Variants in ZNF804A observed in about 807,000 individuals in gnomAD.
ZNF804A encodes zinc finger protein 804A.
In ZNF804A, 2 loss-of-function variants were observed where a neutral mutation model predicts 16.5. The ratio of observed to expected loss-of-function variants is 0.12; its 90% CI spans 0.05 to 0.38. ZNF804A has a LOEUF of 0.38. Among genes scored for constraint, ZNF804A ranks in the 10% least tolerant of loss-of-function variants. ZNF804A has a pLI of 0.99. For missense variants in ZNF804A, 1,473 were observed against 1,390.7 expected (o/e 1.06, Z -0.94); for synonymous variants, 534 against 489.6 (o/e 1.09, Z -1.20).
chr2:184,701,412 A>G (rs1692917442), intron 1 of ZNF804A, among the ~76,000 whole-genome samples: 1 of 151,996 alleles, frequency 6.6e-6, no homozygotes, highest in Non-Finnish European at 1.5e-5. Context: ...AACGTTTCCA[A>G]AATAATTTGA....
chr2:184,629,973 C>T (rs1691578788), intron 1 of ZNF804A, among the ~76,000 whole-genome samples: 1 of 151,928 alleles, frequency 6.6e-6, no homozygotes, highest in Admixed American at 6.6e-5. Context: ...CCTTTGAAAC[C>T]AACATAATAA....
intron 1 of ZNF804A, among the ~76,000 whole-genome samples, chr2:184,697,223 C>T (rs1035182371): frequency 3.4e-5 from 5 of 146,318 alleles, no homozygotes; most frequent in Admixed American, 2.7e-4. Flanking sequence ...AGGTCACCAA[C>T]AAATCATAGA....
At chr2:184,703,849 A>T (rs946951609) in intron 1 of ZNF804A, among the ~76,000 whole-genome samples, 2 of 152,140 alleles carry the variant, frequency 1.3e-5, no homozygotes, top group Non-Finnish European at 2.9e-5. Context: ...ATAATAGTGC[A>T]TATATAAAAT....
intron 2 of ZNF804A, among the ~76,000 whole-genome samples, chr2:184,914,762 C>CA (rs1225053376): frequency 3.3e-5 from 5 of 151,760 alleles, no homozygotes; most frequent in African/African-American, 1.2e-4. Context: ...ACGTATATAG[C>CA]ATAATATTAT....
intron 1 of ZNF804A, among the ~76,000 whole-genome samples, chr2:184,857,085 T>G (rs748751088): frequency 6.6e-6 from 1 of 151,946 alleles, no homozygotes; most frequent in Non-Finnish European, 1.5e-5. Flanking sequence ...ACATCTTTCT[T>G]TTTTTTGATG....
At chr2:184,668,915 A>G (rs1692296878) in intron 1 of ZNF804A, among the ~76,000 whole-genome samples, 2 of 152,016 alleles carry the variant, frequency 1.3e-5, no homozygotes, top group South Asian at 2.1e-4. Flanking sequence ...CTGCTATTTA[A>G]GTTTCTTTCT....
Position 184,936,422 on chromosome 2 carries a change from T to G in ZNF804A, c.1026T>G (p.Ile342Met), listed in dbSNP as rs1437970791. ...ADQIPLESVVINEDIPVSGNS... is the reference protein window; with the variant it reads ...ADQIPLESVVMNEDIPVSGNS... Reference sequence around the variant, plus strand: ...AAATACCACTAGAGAGTGTTGTTATTAATGAAGACATACCTGTTAGTGGTA... The same window carrying G: ...AAATACCACTAGAGAGTGTTGTTATGAATGAAGACATACCTGTTAGTGGTA... The change falls in exon 4 of 4, where the codon ATT becomes ATG. Residue 342 changes from isoleucine (I) to methionine (M), a missense_variant. By Grantham distance (10) the Ile-to-Met change is conservative. Coordinates refer to ENST00000302277, the MANE Select transcript of ZNF804A (RefSeq NM_194250.2). The G allele has an allele frequency of 6.2e-7, 1 of 1,613,878 alleles. No individual in the cohort carries two copies. The highest frequency in any genetic ancestry group is 1.3e-5 in the African/African-American group (1 of 74,936).
chr2:184,737,992 G>C (rs1168474077), intron 1 of ZNF804A, among the ~76,000 whole-genome samples: 4 of 151,742 alleles, frequency 2.6e-5, no homozygotes, highest in African/African-American at 9.7e-5. Flanking sequence ...CAGGCATGGT[G>C]GTGCATGCCT....
At chr2:184,883,465 C>T (rs1387284806) in intron 2 of ZNF804A, among the ~76,000 whole-genome samples, 4 of 151,980 alleles carry the variant, frequency 2.6e-5, no homozygotes, top group African/African-American at 9.7e-5. Context: ...GGCAGAGACA[C>T]ACACACAAAA....
chr2:184,740,155 A>C (rs2105752461), intron 1 of ZNF804A, among the ~76,000 whole-genome samples: 1 of 152,316 alleles, frequency 6.6e-6, no homozygotes, highest in South Asian at 2.1e-4. Context: ...TTAGTGCTTC[A>C]GTCAACTCCA....
chr2:184,602,803 A>G (rs1167060019), intron 1 of ZNF804A, among the ~76,000 whole-genome samples: 1 of 152,090 alleles, frequency 6.6e-6, no homozygotes, highest in African/African-American at 2.4e-5. Flanking sequence ...TCACACAATG[A>G]GTCAATATTA....
At chr2:184,923,469 G>T (rs966900846) in intron 2 of ZNF804A, among the ~76,000 whole-genome samples, 2 of 151,362 alleles carry the variant, frequency 1.3e-5, no homozygotes, top group Non-Finnish European at 2.9e-5. Context: ...TTTTTTCCAG[G>T]TATAAGATTA....
At chr2:184,856,273 C>G (rs1040893177) in intron 1 of ZNF804A, among the ~76,000 whole-genome samples, 2 of 151,956 alleles carry the variant, frequency 1.3e-5, no homozygotes, top group Non-Finnish European at 2.9e-5. Context: ...TTTTAAAAAG[C>G]CATCTTTCCA....
At chr2:184,627,922 A>T (rs1018174935) in intron 1 of ZNF804A, among the ~76,000 whole-genome samples, 1 of 152,216 alleles carries the variant, frequency 6.6e-6, no homozygotes, top group African/African-American at 2.4e-5. Flanking sequence ...ACAGAGGAAG[A>T]ACTGGTTTAC....
chr2:184,707,309 T>C (rs967025028), intron 1 of ZNF804A, among the ~76,000 whole-genome samples: 1 of 152,108 alleles, frequency 6.6e-6, no homozygotes, highest in Admixed American at 6.6e-5. Flanking sequence ...ATTGCAACTT[T>C]TATTTTAGAT....
Position 184,939,113 on chromosome 2 carries a change from A to C in ZNF804A, c.*87A>C. On this transcript the variant is annotated 3_prime_UTR_variant, in exon 4 of 4. Transcript: ENST00000302277. ...CATCTATGTGGGTACATGGCTATTTAACTGGTGGAAATAAACTGGCCGATA... is the reference window on the plus strand; with the variant it reads ...CATCTATGTGGGTACATGGCTATTTCACTGGTGGAAATAAACTGGCCGATA... 1 of 1,496,292 alleles carries C rather than the reference A, an allele frequency of 6.7e-7. No homozygotes were observed. Among genetic ancestry groups the C allele is most frequent in the Non-Finnish European group, 9.0e-7 (1 of 1,112,346 alleles). 92.7% of individuals were successfully genotyped at this position (1,496,292 alleles called of 1,614,324 possible).
At chr2:184,620,191 A>G (rs1559110058) in intron 1 of ZNF804A, among the ~76,000 whole-genome samples, 1 of 151,832 alleles carries the variant, frequency 6.6e-6, no homozygotes, top group South Asian at 2.1e-4. Context: ...GCTCTAGCTT[A>G]TAAATATCTC....
At chr2:184,804,148 G>A (rs550009265) in intron 1 of ZNF804A, among the ~76,000 whole-genome samples, 8 of 152,244 alleles carry the variant, frequency 5.3e-5, no homozygotes, top group African/African-American at 7.2e-5. Context: ...ACAGGTGTGA[G>A]CCACCGTGCC....
intron 1 of ZNF804A, among the ~76,000 whole-genome samples, chr2:184,755,070 G>C (rs1693938345): frequency 6.6e-6 from 1 of 151,866 alleles, no homozygotes. Flanking sequence ...TGGGGACAAA[G>C]AGCCAAACCA....
Sources: gnomAD v4.1 joint callset for allele counts (sites outside exome capture counted in the v4.1 genomes callset) on GRCh38, gnomAD v4.1.1 for gene constraint, MANE v1.5 for transcripts, NCBI Gene and HGNC (gene_info 2026-07-23, HGNC 2026-07-21) for gene names.